The following CTNNA3 variants were observed in gnomAD, a reference collection of about 807,000 sequenced individuals.
CTNNA3 encodes catenin alpha-3.
In CTNNA3, 76 loss-of-function variants were observed where a neutral mutation model predicts 95.7. The observed-to-expected ratio is 0.79, with a 90% CI of 0.66 to 0.96. The LOEUF is 0.96. Ranked by LOEUF, CTNNA3 falls within the 40% of genes least tolerant of loss-of-function variation. The pLI is 0.00. For synonymous variants in CTNNA3, 431 were observed against 374.4 expected (o/e 1.15, Z -1.74); for missense variants, 1,191 against 1,089.8 (o/e 1.09, Z -1.31).
intron 7 of CTNNA3, among the ~76,000 whole-genome samples, chr10:66,931,298 A>G (rs1011324353): frequency 6.6e-6 from 1 of 151,616 alleles, no homozygotes; most frequent in African/African-American, 2.4e-5. Context: ...TCTAAACTTC[A>G]TGTGAGTTTT....
chr10:67,179,494 CAAAA>C (rs35292826), intron 7 of CTNNA3, among the ~76,000 whole-genome samples: 1 of 85,292 alleles, frequency 1.2e-5, no homozygotes. Flanking sequence ...GCTAAAACTT[CAAAA>C]AAAAAAAAAA....
intron 11 of CTNNA3, among the ~76,000 whole-genome samples, chr10:66,429,275 A>T (rs2093273511): frequency 6.6e-6 from 1 of 152,016 alleles, no homozygotes; most frequent in Admixed American, 6.6e-5. Flanking sequence ...GCTTACCAAC[A>T]AAAAAAGTCC....
intron 5 of CTNNA3, among the ~76,000 whole-genome samples, chr10:67,355,045 A>G (rs895370547): frequency 6.6e-5 from 10 of 152,058 alleles, no homozygotes; most frequent in Admixed American, 6.6e-4. Context: ...TCCAAATGAT[A>G]GTTTAAGATT....
intron 7 of CTNNA3, among the ~76,000 whole-genome samples, chr10:66,886,999 T>C (rs142681727): frequency 7.4e-4 from 112 of 152,294 alleles, no homozygotes; most frequent in African/African-American, 2.6e-3. Context: ...GACTGATTGA[T>C]TTACCAGTCT....
intron 7 of CTNNA3, among the ~76,000 whole-genome samples, chr10:67,044,561 A>G (rs1854609376): frequency 6.6e-6 from 1 of 152,188 alleles, no homozygotes; most frequent in Non-Finnish European, 1.5e-5. Context: ...AGTGCTCATT[A>G]TAAGAAGTGA....
At chr10:66,323,404 G>A (rs760481717) in intron 12 of CTNNA3, among the ~76,000 whole-genome samples, 11 of 151,950 alleles carry the variant, frequency 7.2e-5, no homozygotes, top group Non-Finnish European at 1.6e-4. Flanking sequence ...AGCACTTTGA[G>A]AGGCCAAGGG....
At chr10:67,508,226 G>T (rs1839490783) in intron 5 of CTNNA3, among the ~76,000 whole-genome samples, 2 of 152,130 alleles carry the variant, frequency 1.3e-5, no homozygotes, top group Non-Finnish European at 2.9e-5. Context: ...TGGCCAGGCT[G>T]GTCTCAGACT....
chr10:66,129,961 C>A (rs996669998), intron 13 of CTNNA3, among the ~76,000 whole-genome samples: 1 of 152,094 alleles, frequency 6.6e-6, no homozygotes, highest in Non-Finnish European at 1.5e-5. Flanking sequence ...GGGTACCCCA[C>A]CACCCTTCTC....
chr10:67,241,799 A>G (rs1040341009), intron 5 of CTNNA3, among the ~76,000 whole-genome samples: 1 of 152,226 alleles, frequency 6.6e-6, no homozygotes, highest in African/African-American at 2.4e-5. Context: ...GAAGAAATGG[A>G]CATTTGTCAA....
chr10:66,854,743 A>T (rs1843624664), intron 7 of CTNNA3, among the ~76,000 whole-genome samples: 2 of 148,016 alleles, frequency 1.4e-5, no homozygotes, highest in Non-Finnish European at 3.0e-5. Flanking sequence ...AGAAAATGTC[A>T]TTTTTTTTTT....
chr10:67,553,200 C>A (rs562570442), intron 3 of CTNNA3, among the ~76,000 whole-genome samples: 23 of 152,268 alleles, frequency 1.5e-4, no homozygotes, highest in Middle Eastern at 3.4e-3. Context: ...TCCTTTCTCT[C>A]CATAATAGAC....
intron 11 of CTNNA3, among the ~76,000 whole-genome samples, chr10:66,511,498 T>C (rs1840658184): frequency 6.6e-6 from 1 of 151,494 alleles, no homozygotes; most frequent in Non-Finnish European, 1.5e-5. Context: ...AGGTGCTTAT[T>C]CCTTTAAACT....
chr10:66,232,937 C>T (rs978312948), intron 13 of CTNNA3, among the ~76,000 whole-genome samples: 1 of 151,950 alleles, frequency 6.6e-6, no homozygotes, highest in African/African-American at 2.4e-5. Flanking sequence ...GCGGGCGGCT[C>T]ACGAGGTCAG....
At chr10:66,481,107 G>A (rs974796126) in intron 11 of CTNNA3, among the ~76,000 whole-genome samples, 2 of 152,064 alleles carry the variant, frequency 1.3e-5, no homozygotes, top group African/African-American at 4.8e-5. Flanking sequence ...AGTTCACAAA[G>A]TTTATATGTA....
At chr10:66,115,074 A>C (rs1037354704) in intron 13 of CTNNA3, among the ~76,000 whole-genome samples, 1 of 152,176 alleles carries the variant, frequency 6.6e-6, no homozygotes, top group Non-Finnish European at 1.5e-5. Flanking sequence ...AAATCTGCTT[A>C]AGGTTGAACG....
At chr10:66,789,243 C>T (rs544225343) in intron 7 of CTNNA3, among the ~76,000 whole-genome samples, 1 of 152,084 alleles carries the variant, frequency 6.6e-6, no homozygotes, top group African/African-American at 2.4e-5. Context: ...GTGGTGCGAT[C>T]TCGGCTCACT....
At chr10:66,210,398 A>G (rs2088066946) in intron 13 of CTNNA3, among the ~76,000 whole-genome samples, 1 of 151,766 alleles carries the variant, frequency 6.6e-6, no homozygotes, top group African/African-American at 2.4e-5. Context: ...GGGTTCTTGC[A>G]TTGAGAAATA....
At chr10:66,705,795 C>T (rs1373390229) in intron 9 of CTNNA3, among the ~76,000 whole-genome samples, 1 of 151,998 alleles carries the variant, frequency 6.6e-6, no homozygotes, top group African/African-American at 2.4e-5. Flanking sequence ...CATGGTTACA[C>T]TGATTTTTGT....
At chr10:67,462,834 G>A (rs1847431799) in intron 5 of CTNNA3, among the ~76,000 whole-genome samples, 1 of 152,018 alleles carries the variant, frequency 6.6e-6, no homozygotes. Context: ...CTAACACAGA[G>A]TTTTCTTTTC....
Sources: allele counts gnomAD v4.1 joint callset (sites outside exome capture counted in the v4.1 genomes callset), GRCh38; gene constraint gnomAD v4.1.1; transcripts MANE v1.5; gene names NCBI Gene and HGNC (gene_info 2026-07-23, HGNC 2026-07-21).